Variants in ATXN1 observed in about 807,000 individuals in gnomAD.
ATXN1 encodes the protein ataxin-1.
In ATXN1, 8 loss-of-function variants were observed where a neutral mutation model predicts 56.4. That is an observed-to-expected ratio of 0.14 (90% CI 0.08 to 0.26). The LOEUF (loss-of-function observed/expected upper bound fraction) is 0.26, where lower values mean the gene tolerates loss of function less well. ATXN1 is among the 10% of genes least tolerant of loss of function. The pLI is 1.00. For synonymous variants in ATXN1, 514 were observed against 494.6 expected (o/e 1.04, Z -0.52); for missense variants, 987 against 1,106.5 (o/e 0.89, Z 1.53).
At chr6:16,695,605 G>T (rs1759148423) in intron 2 of ATXN1, among the ~76,000 whole-genome samples, 1 of 152,294 alleles carries the variant, frequency 6.6e-6, no homozygotes, top group Admixed American at 6.5e-5. Flanking sequence ...CATCTAACAG[G>T]CCTGTCTTTC....
At chr6:16,531,100 C>G (rs2113706197) in intron 4 of ATXN1, among the ~76,000 whole-genome samples, 1 of 152,304 alleles carries the variant, frequency 6.6e-6, no homozygotes, top group South Asian at 2.1e-4. Context: ...AATTGGCAAT[C>G]ACTGCCTTAG....
At chr6:16,391,901 T>C (rs1459171359) in intron 6 of ATXN1, among the ~76,000 whole-genome samples, 1 of 152,246 alleles carries the variant, frequency 6.6e-6, no homozygotes, top group Non-Finnish European at 1.5e-5. Flanking sequence ...TGCAGCCTGA[T>C]GTTTCCTCCT....
chr6:16,645,072 T>G (rs1280428499), intron 3 of ATXN1, among the ~76,000 whole-genome samples: 1 of 152,234 alleles, frequency 6.6e-6, no homozygotes, highest in Non-Finnish European at 1.5e-5. Context: ...TCACTAAATG[T>G]CATTCCAAAT....
chr6:16,507,398 G>C (rs868597346), intron 5 of ATXN1, among the ~76,000 whole-genome samples: 1 of 152,162 alleles, frequency 6.6e-6, no homozygotes, highest in Non-Finnish European at 1.5e-5. Context: ...CATGCCTCTA[G>C]GAAAGACTGA....
At chr6:16,416,795 C>T (rs1181902700) in intron 6 of ATXN1, among the ~76,000 whole-genome samples, 1 of 152,208 alleles carries the variant, frequency 6.6e-6, no homozygotes, top group African/African-American at 2.4e-5. Context: ...CTGGTACACA[C>T]TGGAATTCCT....
intron 6 of ATXN1, among the ~76,000 whole-genome samples, chr6:16,361,489 T>C (rs1057197752): frequency 6.6e-6 from 1 of 152,208 alleles, no homozygotes; most frequent in African/African-American, 2.4e-5. Context: ...AGGAAATATC[T>C]GATGGATTGT....
At position 16,326,368 on chromosome 6, in the gene ATXN1, C is replaced by G; in HGVS notation, c.1917+26G>C. 6.2e-7 allele frequency: 1 copy of G among 1,609,666 alleles called. No individual in the cohort carries two copies. Among genetic ancestry groups the G allele is most frequent in the Non-Finnish European group, 8.5e-7 (1 of 1,178,196 alleles). On this transcript the variant is annotated intron_variant, in intron 7 of 7. Coordinates refer to ENST00000436367, the MANE Select transcript of ATXN1 (RefSeq NM_001128164.2). The surrounding 1 kb of genome is among the most constrained non-coding windows in gnomAD (Gnocchi z 6.6). ...ATGGCATCACGGTGTGGTGTCCCAT[C>G]CCTGTGCCACCCTGGCTAACGTTAC...
At chr6:16,561,132 T>C (rs62389004) in intron 4 of ATXN1, among the ~76,000 whole-genome samples, 1 of 152,048 alleles carries the variant, frequency 6.6e-6, no homozygotes, top group Non-Finnish European at 1.5e-5. Context: ...CGGAAAAATT[T>C]CTCTGAATCC....
At chr6:16,535,240 A>G (rs1761575076) in intron 4 of ATXN1, among the ~76,000 whole-genome samples, 3 of 152,222 alleles carry the variant, frequency 2.0e-5, no homozygotes, top group Admixed American at 2.0e-4. Flanking sequence ...TGCAAGCCCC[A>G]GCACCCAGAA....
chr6:16,715,267 A>G (rs761466012), intron 2 of ATXN1, among the ~76,000 whole-genome samples: 6 of 152,218 alleles, frequency 3.9e-5, no homozygotes, highest in Admixed American at 6.5e-5. Context: ...TCATATCTTT[A>G]TAACAATCTT....
intron 2 of ATXN1, among the ~76,000 whole-genome samples, chr6:16,732,288 C>T (rs745544051): frequency 1.3e-5 from 2 of 152,112 alleles, no homozygotes; most frequent in Middle Eastern, 3.4e-3. Context: ...AATATCACTC[C>T]GGCCGGGTGT....
chr6:16,385,321 T>A (rs185545151), intron 6 of ATXN1, among the ~76,000 whole-genome samples: 4 of 152,286 alleles, frequency 2.6e-5, no homozygotes, highest in East Asian at 1.9e-4. Context: ...GAGTAGAAGA[T>A]GGATGAGAAG....
chr6:16,570,812 G>C (rs1189996087), intron 4 of ATXN1, among the ~76,000 whole-genome samples: 1 of 152,172 alleles, frequency 6.6e-6, no homozygotes, highest in Non-Finnish European at 1.5e-5. Flanking sequence ...ATTTGAAATG[G>C]AGTCTGTCTA....
At chr6:16,714,775 G>A (rs916808368) in intron 2 of ATXN1, among the ~76,000 whole-genome samples, 24 of 152,044 alleles carry the variant, frequency 1.6e-4, no homozygotes, top group Admixed American at 1.4e-3. Flanking sequence ...GTTTCAAAGG[G>A]GGGGCTATTA....
At chr6:16,348,124 C>T (rs1191526504) in intron 6 of ATXN1, among the ~76,000 whole-genome samples, 2 of 152,238 alleles carry the variant, frequency 1.3e-5, no homozygotes, top group Non-Finnish European at 2.9e-5. Context: ...ATTCTGGACA[C>T]AGTAGCACAA....
chr6:16,529,457 C>T (rs1157502387), intron 4 of ATXN1, among the ~76,000 whole-genome samples: 1 of 152,026 alleles, frequency 6.6e-6, no homozygotes, highest in Admixed American at 6.6e-5. Context: ...TAGAGACAGT[C>T]TTAAATGATC....
chr6:16,491,910 A>C (rs1211801390), intron 5 of ATXN1, among the ~76,000 whole-genome samples: 2 of 152,182 alleles, frequency 1.3e-5, no homozygotes, highest in East Asian at 3.9e-4. Flanking sequence ...CAAGGAACTG[A>C]AGGTGAATGC....
chr6:16,695,055 C>T (rs543519833), intron 2 of ATXN1, among the ~76,000 whole-genome samples: 13 of 152,316 alleles, frequency 8.5e-5, no homozygotes, highest in African/African-American at 3.1e-4. Flanking sequence ...CCATTCTTCA[C>T]AACCACCTAC....
intron 4 of ATXN1, among the ~76,000 whole-genome samples, chr6:16,569,344 C>T (rs1201104324): frequency 2.0e-5 from 3 of 151,950 alleles, no homozygotes; most frequent in African/African-American, 7.3e-5. Flanking sequence ...CATGGTGAAA[C>T]CTCGTCTCTG....
Sources: allele counts gnomAD v4.1 joint callset (sites outside exome capture counted in the v4.1 genomes callset), GRCh38; gene constraint gnomAD v4.1.1; non-coding constraint Gnocchi (gnomAD v3.1); transcripts MANE v1.5; gene names NCBI Gene and HGNC (gene_info 2026-07-23, HGNC 2026-07-21).